Variants in CBLN2 observed in about 807,000 individuals in gnomAD.
CBLN2 encodes cerebellin-2.
In CBLN2, 7 loss-of-function variants were observed where a neutral mutation model predicts 15.0. The ratio of observed to expected loss-of-function variants is 0.47; its 90% CI spans 0.27 to 0.88. CBLN2 has a LOEUF of 0.88. Among genes scored for constraint, CBLN2 ranks in the 40% least tolerant of loss-of-function variants. CBLN2 has a pLI of 0.14. For missense variants in CBLN2, 242 were observed against 304.5 expected, an observed-to-expected ratio of 0.79 and a Z score of 1.53; for synonymous variants, 149 against 135.2, an observed-to-expected ratio of 1.10 and a Z score of -0.71.
rs900399095 is a variant in CBLN2 at position 72,637,507 on chromosome 18, C to A, written c.15+818G>T. Reference sequence around the variant, plus strand: ...CACAGAGGCTGGCGTGAATAGAAAGCGACAGCAGCGTGCTCCATGTCACAT... The same window carrying A: ...CACAGAGGCTGGCGTGAATAGAAAGAGACAGCAGCGTGCTCCATGTCACAT... On this transcript the variant is annotated intron_variant, in intron 1 of 2. Coordinates refer to the CBLN2 transcript ENST00000581073. Among the ~76,000 whole-genome samples, 7 of 152,146 alleles carry A rather than the reference C, an allele frequency of 4.6e-5. 1 individual carries two copies. In the South Asian group the frequency reaches 1.5e-3, roughly 32 times the overall value.
rs777422546 is a variant in CBLN2 at position 72,541,759 on chromosome 18, C to G, written c.357+45G>C. ...CCAGCCCGCGCGCGCAGGTCCCCGC[C>G]CCTCTCCCCGGGCTGGGGGCGGGGT... On this transcript the variant is annotated intron_variant, in intron 3 of 4. Coordinates refer to ENST00000269503, the MANE Select transcript of CBLN2 (RefSeq NM_182511.4). 5 of 1,477,880 alleles carry G rather than the reference C, an allele frequency of 3.4e-6. No individual in the cohort carries two copies. In the African/African-American group the frequency reaches 7.1e-5, roughly 21 times the overall value. 91.5% of individuals were successfully genotyped at this position (1,477,880 alleles called of 1,614,324 possible). A position where few individuals can be genotyped will look rare whatever the true frequency, so the allele number is the denominator to read the frequency against.
chr18:72,583,081 G>A (rs1279461827), intron 1 of CBLN2, among the ~76,000 whole-genome samples: 3 of 152,068 alleles, frequency 2.0e-5, no homozygotes, highest in Non-Finnish European at 2.9e-5. Flanking sequence ...AGCTGGGCCC[G>A]GGCCCAGGCC....
chr18:72,572,668 C>T (rs1374416364), intron 1 of CBLN2, among the ~76,000 whole-genome samples: 1 of 152,068 alleles, frequency 6.6e-6, no homozygotes, highest in Non-Finnish European at 1.5e-5. Context: ...ATCCATCCAC[C>T]TCAGCCTCCT....
chr18:72,625,788 CT>C, intron 1 of CBLN2, among the ~76,000 whole-genome samples: 1 of 59,376 alleles, frequency 1.7e-5, no homozygotes, highest in Admixed American at 2.0e-4. Context: ...ATATATATGA[CT>C]CTCTCTCTCT....
At chr18:72,546,392 G>A (rs570834282), upstream of CBLN2, among the ~76,000 whole-genome samples, 3 of 151,872 alleles carry the variant, frequency 2.0e-5, no homozygotes, top group South Asian at 4.2e-4. Flanking sequence ...AGCCAAGATC[G>A]GGCCACTGCA....
At chr18:72,592,533 G>T (rs1227422885) in intron 1 of CBLN2, among the ~76,000 whole-genome samples, 1 of 152,060 alleles carries the variant, frequency 6.6e-6, no homozygotes, top group Non-Finnish European at 1.5e-5. Flanking sequence ...TTGGTTGCCT[G>T]TGCTTGTGGG....
Position 72,537,563 on chromosome 18 carries a change from G to A in CBLN2, c.*613C>T, listed in dbSNP as rs955286267. 1 of 152,620 alleles carries A rather than the reference G, an allele frequency of 6.6e-6. No homozygotes were observed. The highest frequency in any genetic ancestry group is 1.9e-4 in the East Asian group (1 of 5,190). 9.5% of individuals were successfully genotyped at this position (152,620 alleles called of 1,614,324 possible). A position where few individuals can be genotyped will look rare whatever the true frequency, so the allele number is the denominator to read the frequency against. On this transcript the variant is annotated 3_prime_UTR_variant, in exon 5 of 5. Transcript: ENST00000269503. ...ACACAAACAATACAAAACAAAAATT[G>A]CAGTCCAATCGTGCAAAATTTGCTT...
chr18:72,632,278 T>A (rs1353223702), intron 1 of CBLN2, among the ~76,000 whole-genome samples: 1 of 152,132 alleles, frequency 6.6e-6, no homozygotes, highest in Admixed American at 6.6e-5. Flanking sequence ...AAATGAGGTC[T>A]CTGTTTTTTG....
chr18:72,603,381 C>CT (rs147467527), intron 1 of CBLN2, among the ~76,000 whole-genome samples: 2 of 151,904 alleles, frequency 1.3e-5, no homozygotes, highest in African/African-American at 2.4e-5. Flanking sequence ...CTGCGGGTCC[C>CT]TTTTTTTTCT....
At position 72,581,772 on chromosome 18, in the gene CBLN2, T is replaced by C. The variant is rs1423261314; in HGVS notation, c.16-43000A>G. Among the ~76,000 whole-genome samples the C allele has an allele frequency of 2.0e-5, 3 of 152,220 alleles. No individual in the cohort carries two copies. The East Asian group carries it at 5.8e-4, about 29-fold the overall frequency. On this transcript the variant is annotated intron_variant, in intron 1 of 2. Coordinates refer to the CBLN2 transcript ENST00000581073. The stretch of plus-strand genomic sequence containing the variant: ...TTTTTTCTCTATGATGAGTGTGTTT[T>C]GTATGCTGCTTAAATATTTTTCTAG...
At chr18:72,581,912 T>G (rs1256819836) in intron 1 of CBLN2, among the ~76,000 whole-genome samples, 1 of 152,230 alleles carries the variant, frequency 6.6e-6, no homozygotes, top group Non-Finnish European at 1.5e-5. Context: ...TCTGTGGGTT[T>G]CAGACTTCTT....
chr18:72,582,333 G>T (rs1007752671), intron 1 of CBLN2, among the ~76,000 whole-genome samples: 1 of 152,124 alleles, frequency 6.6e-6, no homozygotes, highest in African/African-American at 2.4e-5. Context: ...ATCTGAGTGT[G>T]GTGGAGCATC....
At chr18:72,595,430 G>A (rs1016827495) in intron 1 of CBLN2, among the ~76,000 whole-genome samples, 7 of 151,952 alleles carry the variant, frequency 4.6e-5, no homozygotes, top group Non-Finnish European at 7.4e-5. Context: ...GGCTTGTTTC[G>A]TGGTCTAATG....
chr18:72,576,936 TATATATATAAATGTGATGTATATATAA>T (rs1311891792), intron 1 of CBLN2, among the ~76,000 whole-genome samples: 1 of 148,018 alleles, frequency 6.8e-6, no homozygotes, highest in African/African-American at 2.5e-5. Flanking sequence ...TAGAATTTTA[TATATATATAAATGTGATGTATATATAA>T]ATATATATAA....
intron 1 of CBLN2, chr18:72,618,995 AT>A (rs1339125456): frequency 3.1e-5 from 24 of 767,946 alleles, no homozygotes; most frequent in Non-Finnish European, 5.6e-5. Flanking sequence ...GGGGATGGTC[AT>A]CATGGATTTG....
Position 72,543,474 on chromosome 18 carries a change from G to A in CBLN2, c.-167+12C>T, listed in dbSNP as rs183252164. 60 of 398,706 alleles carry A rather than the reference G, an allele frequency of 1.5e-4. No homozygotes were observed. Among genetic ancestry groups the A allele is most frequent in the African/African-American group, 1.0e-3 (51 of 48,714 alleles). The allele number at this position is 398,706 out of a possible 1,614,324, so 24.7% of individuals were successfully genotyped here. ...TTGCATGCGGAGGGGAGGGCAGGTC[G>A]GGGGTGGTTACCTGGAACATCCATG... On this transcript the variant is annotated intron_variant, in intron 2 of 4. Transcript: ENST00000269503. The surrounding 1 kb of genome is among the most constrained non-coding windows in gnomAD (Gnocchi z 6.8).
In CBLN2 at chr18:72,579,667, G is replaced by A. The variant is rs1309390664; in HGVS notation, c.16-40895C>T. ...GAATTGCTTGAACCTGGGAGGCAGA[G>A]GTTACAGTCAGCCAAGATCATGCCA... On this transcript the variant is annotated intron_variant, in intron 1 of 2. Transcript: ENST00000581073. Among the ~76,000 whole-genome samples, 4 of 152,066 alleles carry A rather than the reference G, an allele frequency of 2.6e-5. 1 individual carries two copies. Among genetic ancestry groups the A allele is most frequent in the Admixed American group, 2.0e-4 (3 of 15,268 alleles).
chr18:72,577,711 C>A (rs1252472507), intron 1 of CBLN2, among the ~76,000 whole-genome samples: 3 of 152,196 alleles, frequency 2.0e-5, no homozygotes, highest in African/African-American at 4.8e-5. Context: ...TTCTAACGTG[C>A]TTTGGTGCCA....
At chr18:72,566,363 T>C (rs1294241064) in intron 1 of CBLN2, among the ~76,000 whole-genome samples, 3 of 152,188 alleles carry the variant, frequency 2.0e-5, no homozygotes, top group African/African-American at 7.2e-5. Flanking sequence ...ACATTTGCAC[T>C]CTCATGTTTA....
Sources: allele counts gnomAD v4.1 joint callset (sites outside exome capture counted in the v4.1 genomes callset), GRCh38; gene constraint gnomAD v4.1.1; non-coding constraint Gnocchi (gnomAD v3.1); transcripts MANE v1.5; gene names NCBI Gene and HGNC (gene_info 2026-07-23, HGNC 2026-07-21).